The following ABI3BP variants were observed in gnomAD, a reference collection of about 807,000 sequenced individuals.
The protein encoded by ABI3BP is ABI family member 3 binding protein.
Under a neutral mutation model 268.6 loss-of-function variants are expected in ABI3BP, and 216 were observed. That is an observed-to-expected ratio of 0.80 (90% confidence interval 0.72 to 0.90). The LOEUF is 0.90. ABI3BP is among the 40% of genes least tolerant of loss of function. The pLI, the probability that ABI3BP is intolerant of heterozygous loss-of-function variation, is 0.00. For missense variants in ABI3BP, 2,090 were observed against 2,182.4 expected, an observed-to-expected ratio of 0.96 and a Z score of 0.84; for synonymous variants, 730 against 730.0, an observed-to-expected ratio of 1.00 and a Z score of 0.00.
At chr3:100,902,377 G>A (rs1210845701) in intron 3 of ABI3BP, among the ~76,000 whole-genome samples, 2 of 152,138 alleles carry the variant, frequency 1.3e-5, no homozygotes, top group Non-Finnish European at 2.9e-5. Context: ...GAGTAGAGAG[G>A]TTCAATAACT....
chr3:100,753,730 C>G (rs533845536), intron 65 of ABI3BP, 89 bp downstream of exon 65: 42 of 1,475,670 alleles, frequency 2.8e-5, no homozygotes, highest in Non-Finnish European at 3.6e-5. Context: ...TGGAAAAACG[C>G]GAAATCATGA....
chr3:100,876,139 T>G (rs75393568), intron 7 of ABI3BP, among the ~76,000 whole-genome samples: 1,754 of 152,320 alleles, frequency 0.012, 37 homozygotes, highest in African/African-American at 0.04. Flanking sequence ...GAAGTGACAT[T>G]ATAATTCTGG....
At chr3:100,853,785 T>C (rs2098898765) in intron 14 of ABI3BP, among the ~76,000 whole-genome samples, 1 of 152,212 alleles carries the variant, frequency 6.6e-6, no homozygotes, top group Non-Finnish European at 1.5e-5. Context: ...CCATCATCCT[T>C]TGGCAACTGT....
intron 51 of ABI3BP, among the ~76,000 whole-genome samples, chr3:100,796,786 G>A (rs994291640): frequency 6.6e-6 from 1 of 152,058 alleles, no homozygotes; most frequent in Admixed American, 6.6e-5. Context: ...AAAATAGAAA[G>A]TCAGTTTTTG....
At chr3:100,773,643 A>G (rs1394622106) in intron 61 of ABI3BP, among the ~76,000 whole-genome samples, 3 of 152,240 alleles carry the variant, frequency 2.0e-5, no homozygotes, top group Non-Finnish European at 4.4e-5. Flanking sequence ...AGACATGTAC[A>G]TGAATGGTCA....
rs1030256411 is a variant in ABI3BP, at chr3:100,863,916, T to G, written c.1138+86A>C. On this transcript the variant is annotated intron_variant, in intron 12 of 67. Coordinates refer to ENST00000471714, the MANE Select transcript of ABI3BP (RefSeq NM_001375547.2). ...CACCTTTAAGGGATTGGGTATAAAT[T>G]AGCGTAATTAATTCAAAAGACTTCT... 1.0e-5 allele frequency: 10 copies of G among 993,018 alleles called. No homozygotes were observed. In the African/African-American group the frequency reaches 1.6e-4, roughly 16 times the overall value. 61.5% of individuals were successfully genotyped at this position (993,018 alleles called of 1,614,324 possible). A position where few individuals can be genotyped will look rare whatever the true frequency, so the allele number is the denominator to read the frequency against.
At chr3:100,910,771 T>G (rs1420471630) in intron 2 of ABI3BP, among the ~76,000 whole-genome samples, 2 of 152,224 alleles carry the variant, frequency 1.3e-5, no homozygotes, top group African/African-American at 4.8e-5. Context: ...GCATCTGATG[T>G]TTGAAAACAT....
At position 100,765,852 on chromosome 3, in the gene ABI3BP, T is replaced by G; in HGVS notation, c.4839A>C (p.Lys1613Asn). Residue 1613 changes from lysine to asparagine, a missense_variant, in exon 63 of 68, where the codon AAA (lysine) becomes AAC (asparagine). Physicochemically the swap from Lys to Asn is moderately conservative, Grantham distance 94. Transcript: ENST00000471714. ...CACTGGTGGCTTACCTCGTGTTTGGTTTCAGATTTTCTACTGTGGAAAATG... is the reference window on the plus strand; with the variant it reads ...CACTGGTGGCTTACCTCGTGTTTGGGTTCAGATTTTCTACTGTGGAAAATG... ...NQTFSTVENL[K>N]PNTSYEFQVK... 1 of 1,608,228 alleles carries G rather than the reference T, an allele frequency of 6.2e-7. No individual in the cohort carries two copies. The highest frequency in any genetic ancestry group is 8.5e-7 in the Non-Finnish European group (1 of 1,176,632).
intron 3 of ABI3BP, among the ~76,000 whole-genome samples, 165 bp downstream of exon 3, chr3:100,902,453 A>G (rs2050885502): frequency 6.6e-6 from 1 of 152,214 alleles, no homozygotes; most frequent in Non-Finnish European, 1.5e-5. Context: ...CTCTACCACC[A>G]GGCTGTGTTA....
In ABI3BP at chr3:100,840,113, G is replaced by C; in HGVS notation, c.1856C>G (p.Pro619Arg). The change falls in exon 23 of 68, where the codon CCT (proline) becomes CGT (arginine). Residue 619 changes from proline to arginine, a missense_variant. Transcript: ENST00000471714. ...CACTTCTGGACTAGGTGTGGTTTTA[G>C]GGCGGGGACGGGGGCGGGGGCGACG... ...PGRRPRPRPRPKTTPSPEVPK... is the reference protein window; with the variant it reads ...PGRRPRPRPRRKTTPSPEVPK... The C allele has an allele frequency of 6.5e-7, 1 of 1,531,456 alleles. No homozygotes were observed. Among genetic ancestry groups the C allele is most frequent in the East Asian group, 2.5e-5 (1 of 40,440 alleles). 94.9% of individuals were successfully genotyped at this position (1,531,456 alleles called of 1,614,324 possible). A position where few individuals can be genotyped will look rare whatever the true frequency, so the allele number is the denominator to read the frequency against.
intron 22 of ABI3BP, 136 bp from the exon 23 acceptor site, chr3:100,840,300 C>T: frequency 1.5e-6 from 1 of 674,388 alleles, no homozygotes; most frequent in South Asian, 2.2e-5. Context: ...TTGCAAACTT[C>T]TATCATTATT....
chr3:100,937,447 C>G (rs2066671597), intron 1 of ABI3BP, among the ~76,000 whole-genome samples: 1 of 151,948 alleles, frequency 6.6e-6, no homozygotes, highest in Non-Finnish European at 1.5e-5. Context: ...ACATTTATAG[C>G]TCATCCCTAT....
intron 39 of ABI3BP, among the ~76,000 whole-genome samples, chr3:100,820,729 C>A (rs2098193272): frequency 1.3e-5 from 2 of 152,066 alleles, no homozygotes; most frequent in Admixed American, 6.5e-5. Context: ...TCTGGTATCA[C>A]AATCATGTTA....
intron 27 of ABI3BP, 79 bp downstream of exon 27, chr3:100,837,045 A>G: frequency 2.3e-6 from 3 of 1,303,976 alleles, no homozygotes; most frequent in Non-Finnish European, 3.1e-6. Context: ...ACAATTGTGC[A>G]TATTATAGCT....
At chr3:100,907,609 A>C (rs962019778) in intron 2 of ABI3BP, among the ~76,000 whole-genome samples, 6 of 152,226 alleles carry the variant, frequency 3.9e-5, no homozygotes, top group African/African-American at 1.4e-4. Flanking sequence ...GACATATTAC[A>C]AGAGAGGAAA....
chr3:100,790,940 G>T (rs2097181719), intron 55 of ABI3BP, among the ~76,000 whole-genome samples: 1 of 151,856 alleles, frequency 6.6e-6, no homozygotes, highest in Non-Finnish European at 1.5e-5. Flanking sequence ...CATGGCATCT[G>T]AATTTTTGTT....
intron 1 of ABI3BP, among the ~76,000 whole-genome samples, chr3:100,971,933 A>T (rs1266312472): frequency 1.3e-5 from 2 of 152,160 alleles, no homozygotes; most frequent in Non-Finnish European, 2.9e-5. Context: ...TCCAATCAAC[A>T]TGCAGTTTCT....
At chr3:100,935,186 T>C (rs1448983407) in intron 1 of ABI3BP, among the ~76,000 whole-genome samples, 1 of 152,208 alleles carries the variant, frequency 6.6e-6, no homozygotes, top group Non-Finnish European at 1.5e-5. Context: ...AGTTTCTGCT[T>C]TTGGCATATG....
chr3:100,805,385 TG>T (rs1335248218), intron 50 of ABI3BP, among the ~76,000 whole-genome samples: 14 of 152,100 alleles, frequency 9.2e-5, no homozygotes, highest in Non-Finnish European at 7.4e-5. Flanking sequence ...TGCATTTCTC[TG>T]GCTCCAGAGA....
Sources: allele counts gnomAD v4.1 joint callset (sites outside exome capture counted in the v4.1 genomes callset), GRCh38; gene constraint gnomAD v4.1.1; transcripts MANE v1.5; gene names NCBI Gene and HGNC (gene_info 2026-07-23, HGNC 2026-07-21).